The following TTN variants were observed in gnomAD, a reference collection of about 807,000 sequenced individuals.
TTN encodes the protein titin.
Under a neutral mutation model 3,223.0 loss-of-function variants are expected in TTN, and 1,525 were observed. That is an observed-to-expected ratio of 0.47 (90% CI 0.45 to 0.49). The LOEUF (loss-of-function observed/expected upper bound fraction) is 0.49, where lower values mean the gene tolerates loss of function less well. Ranked by LOEUF, TTN falls within the 20% of genes least tolerant of loss-of-function variation. The pLI, the probability that TTN is intolerant of heterozygous loss-of-function variation, is 0.00. For synonymous variants in TTN, 14,094 were observed against 15,161.0 expected, an observed-to-expected ratio of 0.93 and a Z score of 5.17; for missense variants, 40,786 against 43,424.0, an observed-to-expected ratio of 0.94 and a Z score of 5.40.
intron 47 of TTN, chr2:178,748,025 G>C (rs764527243): frequency 6.2e-7 from 1 of 1,612,912 alleles, no homozygotes; most frequent in Non-Finnish European, 8.5e-7. Flanking sequence ...TGGAAATGCT[G>C]CCAACTCTGG....
At position 178,734,728 on chromosome 2, in the gene TTN, T is replaced by C. The variant is rs756793304; in HGVS notation, c.15196A>G (p.Ser5066Gly). Residue 5066 changes from serine (S) to glycine (G), a missense_variant, in exon 51 of 363, where the codon AGT (serine) becomes GGT (glycine). Ser to Gly is a moderately conservative substitution (Grantham distance 56). Transcript: ENST00000589042. ...AAACCTTTGATAACTATTTCAGTAC[T>C]GCAGCTATCACTGCCGACGTCATTC... ...AVNDVGSDSCSTEIVIKEPPS... is the reference protein window; with the variant it reads ...AVNDVGSDSCGTEIVIKEPPS... 80 of 1,612,424 alleles carry C rather than the reference T, an allele frequency of 5.0e-5. No homozygotes were observed. The highest frequency in any genetic ancestry group is 6.4e-5 in the Non-Finnish European group (76 of 1,178,794).
Position 178,578,608 on chromosome 2 carries a change from T to TAA in TTN, c.68329+2_68329+3insTT, listed in dbSNP as rs536078303. ...AGCTGTAGGATAAGAACAAACAAAATACCTGTAATTGGAGAACCACCAGTT... is the reference window on the plus strand; with the variant it reads ...AGCTGTAGGATAAGAACAAACAAAATAAACCTGTAATTGGAGAACCACCAGTT... On this transcript the variant is annotated splice_region_variant and intron_variant, in intron 321 of 362. Coordinates refer to ENST00000589042, the MANE Select transcript of TTN (RefSeq NM_001267550.2). The TAA allele has an allele frequency of 3.7e-5, 60 of 1,605,120 alleles. No homozygotes were observed. In the South Asian group the frequency reaches 6.6e-4, roughly 18 times the overall value.
Position 178,621,169 on chromosome 2 carries a change from T to C in TTN, c.45549A>G (p.Leu15183=). Residue 15183 remains leucine (L), a synonymous_variant, in exon 246 of 363, where the codon TTA becomes TTG. Transcript: ENST00000589042. ...TGACAACGTAAGTGCCCATATCTTG[T>C]AATGTGGCATCTTTCACAACTAGGA... The part of the protein sequence containing the change: ...KRVLVVKDAT[L]QDMGTYVVMV... 6.2e-7 allele frequency: 1 copy of C among 1,612,658 alleles called. No individual in the cohort carries two copies.
chr2:178,622,046 G>T (rs1464014071), intron 243 of TTN, 38 bp from the exon 244 acceptor site: 1 of 1,550,288 alleles, frequency 6.5e-7, no homozygotes. Context: ...TTTTCTTGTT[G>T]TTCCTTCACA....
chr2:178,695,959 A>T lies in TTN; in HGVS notation c.31113T>A (p.Tyr10371Ter). 6.5e-7 allele frequency: 1 copy of T among 1,535,894 alleles called. No homozygotes were observed. Among genetic ancestry groups the T allele is most frequent in the Non-Finnish European group, 8.8e-7 (1 of 1,140,604 alleles). Residue 10371 changes from tyrosine (Y) to a stop codon, truncating the protein, a stop_gained, in exon 114 of 363, where the codon TAT (tyrosine) becomes TAA (stop). Transcript: ENST00000589042. LOFTEE classifies it high-confidence loss of function. The stretch of plus-strand genomic sequence containing the variant: ...CTTCGTCATAGCCTTCTTCCCTTTC[A>T]TAGTATTCTTGCCCTTCTTCAAAAT... Reference protein sequence around the residue: ...EEDFEEGQEYYEREEGYDEGE... With the variant: ...EEDFEEGQEY
chr2:178,563,152 T>C lies in TTN; in HGVS notation c.82980A>G (p.Leu27660=), dbSNP rs760972930. 13 of 1,613,736 alleles carry C rather than the reference T, an allele frequency of 8.1e-6. No homozygotes were observed. The highest frequency in any genetic ancestry group is 1.7e-4 in the Middle Eastern group (1 of 6,058). The change falls in exon 326 of 363, where the codon CTA becomes CTG. Residue 27660 remains leucine, a synonymous_variant. Transcript: ENST00000589042. The surrounding 1 kb of genome is among the most constrained non-coding windows in gnomAD (Gnocchi z 4.5). ...NSEGVGEPAT[L]PGSVVAQERI... ...TCTCCTGAGCAACCACTGAGCCAGG[T>C]AGAGTTGCAGGTTCACCTACACCTT... is the stretch of plus-strand genomic sequence containing the variant.
At chr2:178,605,822 ACCTTACAT>A in intron 278 of TTN, 109 bp from the exon 279 acceptor site, 1 of 968,818 alleles carries the variant, frequency 1.0e-6, no homozygotes, top group Non-Finnish European at 1.4e-6. Context: ...GTTTGGCATA[ACCTTACAT>A]CCTTATTTAA....
In TTN at chr2:178,557,234, TC is replaced by T. The variant is rs1373170223; in HGVS notation, c.88009+18del. 6.2e-7 allele frequency: 1 copy of T among 1,613,606 alleles called. No homozygotes were observed. The highest frequency in any genetic ancestry group is 1.3e-5 in the African/African-American group (1 of 74,918). On this transcript the variant is annotated intron_variant, in intron 329 of 362. Transcript: ENST00000589042. ...GCATTTTTGTTATCAGAACTGCCCT[TC>T]CCATGACAAATACGTACCACAAGCA...
chr2:178,640,427 A>G (rs1392115232), intron 221 of TTN, 114 bp downstream of exon 221: 5 of 964,104 alleles, frequency 5.2e-6, no homozygotes, highest in Non-Finnish European at 7.9e-6. Flanking sequence ...ATTAAGCCAT[A>G]TGTGATTAAC....
Position 178,777,506 on chromosome 2 carries a change from G to A in TTN, c.4559C>T (p.Ala1520Val). The A allele has an allele frequency of 1.9e-6, 3 of 1,613,836 alleles. No individual in the cohort carries two copies. Among genetic ancestry groups the A allele is most frequent in the Non-Finnish European group, 2.5e-6 (3 of 1,179,930 alleles). The stretch of plus-strand genomic sequence containing the variant: ...CCATTCCCCAGAATCACTGGGTGTG[G>A]CAGGGACAATAATTAGTGATTGAGT... ...DGTQSLIIVP[A>V]TPSDSGEWTV... The change falls in exon 26 of 363, where the codon GCC becomes GTC. Residue 1520 changes from alanine (A) to valine (V), a missense_variant. Ala to Val is a moderately conservative substitution (Grantham distance 64, BLOSUM62 0). Coordinates refer to ENST00000589042, the MANE Select transcript of TTN (RefSeq NM_001267550.2).
In TTN at chr2:178,651,540, T is replaced by C. The variant is rs960737707; in HGVS notation, c.39464-4A>G. The C allele has an allele frequency of 1.9e-6, 3 of 1,612,738 alleles. No homozygotes were observed. In the Admixed American group the frequency reaches 5.0e-5, roughly 27 times the overall value. ...ACCTCCTTGGGCACCTCGGGCACTA[T>C]AAAAGATATTAGTAGTTGTTTAAGC... is the stretch of plus-strand genomic sequence containing the variant. On this transcript the variant is annotated splice_polypyrimidine_tract_variant and splice_region_variant and intron_variant, in intron 206 of 362. Transcript: ENST00000589042.
At position 178,632,115 on chromosome 2, in the gene TTN, T is replaced by G. The variant is rs371782009; in HGVS notation, c.43747+32A>C. The G allele has an allele frequency of 2.0e-6, 3 of 1,533,614 alleles. No individual in the cohort carries two copies. The African/African-American group carries it at 4.1e-5, about 21-fold the overall frequency. ...CTCCACAAATTTCTGTTGAATTTAA[T>G]GCAGTAAAATTAAAATTTAAAAAGC... On this transcript the variant is annotated intron_variant, in intron 236 of 362. Coordinates refer to ENST00000589042, the MANE Select transcript of TTN (RefSeq NM_001267550.2).
At chr2:178,733,974 A>G in intron 52 of TTN, 82 bp from the exon 53 acceptor site, 1 of 1,331,630 alleles carries the variant, frequency 7.5e-7, no homozygotes, top group Non-Finnish European at 1.0e-6. Context: ...TTTTTTCAAG[A>G]TTATATTTAT....
chr2:178,568,745 A>T lies in TTN; in HGVS notation c.77387T>A (p.Ile25796Asn). Residue 25796 changes from isoleucine to asparagine, a missense_variant, in exon 326 of 363, where the codon ATT (isoleucine) becomes AAT (asparagine). By Grantham distance (149) the Ile-to-Asn change is moderately radical (BLOSUM62 -3). Coordinates refer to ENST00000589042, the MANE Select transcript of TTN (RefSeq NM_001267550.2). ...GAATGCAGGTTTTACATCTGGCTCA[A>T]TTACCAGATCTTTGGCAACTATTGG... ...AVPIVAKDLVIEPDVKPAFSS... is the reference protein window; with the variant it reads ...AVPIVAKDLVNEPDVKPAFSS... 1 of 1,613,062 alleles carries T rather than the reference A, an allele frequency of 6.2e-7. No homozygotes were observed. The highest frequency in any genetic ancestry group is 8.5e-7 in the Non-Finnish European group (1 of 1,179,418).
At position 178,607,578 on chromosome 2, in the gene TTN, T is replaced by C; in HGVS notation, c.53110A>G (p.Lys17704Glu). The change falls in exon 277 of 363, where the codon AAA becomes GAA. Residue 17704 changes from lysine to glutamate, a missense_variant. By Grantham distance (56) the Lys-to-Glu change is moderately conservative. Transcript: ENST00000589042. ...TCCCCTTCTTCTTTGGTCCATACTT[T>C]TGTAGGTACAGGGCGACCAGTCACC... ...AVVTGRPVPT[K>E]VWTKEEGELD... The C allele has an allele frequency of 3.7e-6, 6 of 1,613,250 alleles. No individual in the cohort carries two copies. The highest frequency in any genetic ancestry group is 5.1e-6 in the Non-Finnish European group (6 of 1,179,404).
In TTN at chr2:178,776,971, A is replaced by G. The variant is rs761409910; in HGVS notation, c.4893T>C (p.Thr1631=). Residue 1631 remains threonine, a synonymous_variant, in exon 28 of 363, where the codon ACT becomes ACC. Transcript: ENST00000589042. ...TGTCTCTGCCAGCTTTATTAATAGC[A>G]GTCGCAGTATACCAGGCAGAATCTT... ...VSQDSAWYTA[T]AINKAGRDTT... 2 of 1,613,938 alleles carry G rather than the reference A, an allele frequency of 1.2e-6. No individual in the cohort carries two copies. Among genetic ancestry groups the G allele is most frequent in the African/African-American group, 2.7e-5 (2 of 74,934 alleles).
At chr2:178,662,937 C>A in intron 174 of TTN, 29 bp downstream of exon 174, 1 of 1,610,416 alleles carries the variant, frequency 6.2e-7, no homozygotes, top group Non-Finnish European at 8.5e-7. Context: ...CCCAGGGCCC[C>A]CCGACTGACA....
At position 178,558,254 on chromosome 2, in the gene TTN, A is replaced by C. The variant is rs761510483; in HGVS notation, c.87119-19T>G. 1.9e-6 allele frequency: 3 copies of C among 1,593,228 alleles called. No homozygotes were observed. Among genetic ancestry groups the C allele is most frequent in the Non-Finnish European group, 2.6e-6 (3 of 1,174,304 alleles). ...GGTGGTTCTGAAAAATGAGTATAGA[A>C]AGTGAAAGTGAAAAAGTGTTTCTGA... On this transcript the variant is annotated intron_variant, in intron 327 of 362. Transcript: ENST00000589042.
intron 282 of TTN, 92 bp downstream of exon 282, chr2:178,603,784 G>T: frequency 8.4e-7 from 1 of 1,192,310 alleles, no homozygotes; most frequent in Non-Finnish European, 1.1e-6. Flanking sequence ...AAATAATTTG[G>T]CATAGAAAAA....
Sources: allele counts gnomAD v4.1 joint callset, GRCh38; gene constraint gnomAD v4.1.1; non-coding constraint Gnocchi (gnomAD v3.1); transcripts MANE v1.5; gene names NCBI Gene and HGNC (gene_info 2026-07-23, HGNC 2026-07-21).